SLC6A13: variants seen among roughly 807,000 people sequenced by gnomAD.
SLC6A13 encodes sodium- and chloride-dependent GABA transporter 2.
Under a neutral mutation model 72.9 loss-of-function variants are expected in SLC6A13, and 69 were observed. The ratio of observed to expected loss-of-function variants is 0.95; its 90% CI spans 0.78 to 1.16. The LOEUF is 1.16. Ranked by LOEUF, SLC6A13 falls within the 50% of genes most tolerant of loss-of-function variation. SLC6A13 has a pLI of 0.00. For synonymous variants in SLC6A13, 303 were observed against 303.0 expected (o/e 1.00, Z 0.00); for missense variants, 735 against 760.5 (o/e 0.97, Z 0.39).
At chr12:258,320 C>T (rs1245663788) in intron 2 of SLC6A13, among the ~76,000 whole-genome samples, 1 of 152,192 alleles carries the variant, frequency 6.6e-6, no homozygotes, top group East Asian at 1.9e-4. Context: ...CAGGGCATCT[C>T]TCGTGTTCTC....
chr12:229,638 C>T (rs897335494), intron 7 of SLC6A13, among the ~76,000 whole-genome samples: 25 of 152,218 alleles, frequency 1.6e-4, no homozygotes, highest in African/African-American at 5.1e-4. Context: ...TTCATGAGGT[C>T]GGGCGCCCCC....
chr12:228,536 A>G (rs1271604537), intron 7 of SLC6A13, among the ~76,000 whole-genome samples: 2 of 152,106 alleles, frequency 1.3e-5, no homozygotes, highest in Non-Finnish European at 2.9e-5. Context: ...TCTTTTGCTC[A>G]GCCTCATTCC....
At chr12:221,607 C>T (rs2137244379) in intron 13 of SLC6A13, 61 bp from the exon 14 acceptor site, 1 of 1,139,428 alleles carries the variant, frequency 8.8e-7, no homozygotes, top group Non-Finnish European at 1.3e-6. Flanking sequence ...CCTCAGCTCC[C>T]CCGCTCCCCA....
chr12:236,512 T>C (rs74057636), intron 6 of SLC6A13, among the ~76,000 whole-genome samples: 9,104 of 152,286 alleles, frequency 0.06, 681 homozygotes, highest in East Asian at 0.3. Context: ...CCCTCTTCCC[T>C]TCCTCCCTCC....
At chr12:249,382 G>A (rs1942462645) in intron 2 of SLC6A13, among the ~76,000 whole-genome samples, 1 of 152,038 alleles carries the variant, frequency 6.6e-6, no homozygotes, top group Non-Finnish European at 1.5e-5. Flanking sequence ...GGTTCTTTGA[G>A]ATAATAAAAT....
At chr12:231,804 T>C (rs1346573085) in intron 7 of SLC6A13, among the ~76,000 whole-genome samples, 1 of 152,232 alleles carries the variant, frequency 6.6e-6, no homozygotes, top group African/African-American at 2.4e-5. Context: ...AGCTGTTATA[T>C]ACCAAACATG....
intron 4 of SLC6A13, among the ~76,000 whole-genome samples, chr12:241,962 A>G (rs1565500885): frequency 6.6e-6 from 1 of 152,198 alleles, no homozygotes; most frequent in Non-Finnish European, 1.5e-5. Flanking sequence ...AGATACACAA[A>G]TACTTACCAT....
intron 2 of SLC6A13, among the ~76,000 whole-genome samples, chr12:250,333 A>C (rs1041118426): frequency 6.6e-6 from 1 of 152,180 alleles, no homozygotes; most frequent in African/African-American, 2.4e-5. Context: ...CCGATTTAAA[A>C]GGAAAAAATA....
chr12:259,450 C>T lies in SLC6A13; in HGVS notation c.202+401G>A, dbSNP rs933306739. On this transcript the variant is annotated intron_variant, in intron 2 of 14. Transcript: ENST00000343164. Reference sequence around the variant, plus strand: ...CAGCAGAGCTACTATTTATTAAGTGCTTTACACACATTGTCTCTAATCCTT... The same window carrying T: ...CAGCAGAGCTACTATTTATTAAGTGTTTTACACACATTGTCTCTAATCCTT... 4.2e-6 allele frequency: 5 copies of T among 1,196,386 alleles called. No homozygotes were observed. The South Asian group carries it at 8.1e-5, about 19-fold the overall frequency. 74.1% of individuals were successfully genotyped at this position (1,196,386 alleles called of 1,614,324 possible). A position where few individuals can be genotyped will look rare whatever the true frequency, so the allele number is the denominator to read the frequency against.
At chr12:228,509 C>T (rs1435328682) in intron 7 of SLC6A13, among the ~76,000 whole-genome samples, 1 of 152,108 alleles carries the variant, frequency 6.6e-6, no homozygotes, top group African/African-American at 2.4e-5. Flanking sequence ...GAAAGGGCGC[C>T]GGATGACCCG....
chr12:227,271 T>G (rs1035812506), intron 8 of SLC6A13, among the ~76,000 whole-genome samples: 1 of 152,192 alleles, frequency 6.6e-6, no homozygotes, highest in Non-Finnish European at 1.5e-5. Context: ...TTCTCAGGCT[T>G]GCTTACCCAG....
chr12:241,780 G>A (rs959491861), intron 4 of SLC6A13, among the ~76,000 whole-genome samples: 1 of 152,200 alleles, frequency 6.6e-6, no homozygotes, highest in African/African-American at 2.4e-5. Flanking sequence ...ATTAGACTCA[G>A]TATTTCTATT....
At chr12:229,749 A>G (rs1941627278) in intron 7 of SLC6A13, among the ~76,000 whole-genome samples, 1 of 152,214 alleles carries the variant, frequency 6.6e-6, no homozygotes, top group Non-Finnish European at 1.5e-5. Context: ...AGACTGGGCC[A>G]TGAATTACCA....
rs1942663545 is a variant in SLC6A13 at position 254,336 on chromosome 12, C to T, written c.202+5515G>A. Among the ~76,000 whole-genome samples, 1 of 152,204 alleles carries T rather than the reference C, an allele frequency of 6.6e-6. No individual in the cohort carries two copies. The highest frequency in any genetic ancestry group is 6.5e-5 in the Admixed American group (1 of 15,290). On this transcript the variant is annotated intron_variant, in intron 2 of 14. Coordinates refer to ENST00000343164, the MANE Select transcript of SLC6A13 (RefSeq NM_016615.5). The surrounding 1 kb of genome is among the most constrained non-coding windows in gnomAD (Gnocchi z 4.4). ...TTTTACCTACTCCCACATTTTGCCCCAATAACCCACATTTACTATTTCCAA... is the reference window on the plus strand; with the variant it reads ...TTTTACCTACTCCCACATTTTGCCCTAATAACCCACATTTACTATTTCCAA...
Position 259,959 on chromosome 12 carries a change from G to T in SLC6A13, c.94C>A (p.Arg32=). 6.2e-7 allele frequency: 1 copy of T among 1,614,162 alleles called. No homozygotes were observed. Among genetic ancestry groups the T allele is most frequent in the South Asian group, 1.1e-5 (1 of 91,082 alleles). ...TCCATCTTGTTGTTCCAGTGCCCCC[G>T]CTCCAGGGTGCCATCTTCCTCCTTC... ...EKKEEDGTLE[R]GHWNNKMEFV... The change falls in exon 2 of 15, where the codon CGG becomes AGG. Residue 32 remains arginine, a synonymous_variant. Transcript: ENST00000343164.
chr12:253,631 T>C (rs939513636), intron 2 of SLC6A13: 2 of 152,274 alleles, frequency 1.3e-5, no homozygotes, highest in East Asian at 1.9e-4. Flanking sequence ...TGGCCTCACA[T>C]GGGGACTCCA....
In SLC6A13 at chr12:254,964, T is replaced by C. The variant is rs1210460153; in HGVS notation, c.202+4887A>G. The stretch of plus-strand genomic sequence containing the variant: ...GAGTTTGAGACCAGCCTGGCCAACA[T>C]GGCGAAACCCCCTCTCTATTAAAAA... On this transcript the variant is annotated intron_variant, in intron 2 of 14. Coordinates refer to ENST00000343164, the MANE Select transcript of SLC6A13 (RefSeq NM_016615.5). The surrounding 1 kb of genome is among the most constrained non-coding windows in gnomAD (Gnocchi z 4.4). Among the ~76,000 whole-genome samples, 2 of 151,820 alleles carry C rather than the reference T, an allele frequency of 1.3e-5. No individual in the cohort carries two copies. The highest frequency in any genetic ancestry group is 2.9e-5 in the Non-Finnish European group (2 of 67,990).
rs765859740 is a variant in SLC6A13 at position 242,713 on chromosome 12, C to T, written c.379G>A (p.Val127Ile). Residue 127 changes from valine to isoleucine, a missense_variant, in exon 4 of 15, where the codon GTC becomes ATC. Val to Ile is a conservative substitution (Grantham distance 29). Coordinates refer to ENST00000343164, the MANE Select transcript of SLC6A13 (RefSeq NM_016615.5). ...CAGGCCAACACAATGATGTAGTAGA[C>T]GTTGAGGAGGATGACGATCATCTGG... is the stretch of plus-strand genomic sequence containing the variant. ...ASQMIVILLN[V>I]YYIIVLAWAL... 3 of 1,604,684 alleles carry T rather than the reference C, an allele frequency of 1.9e-6. No individual in the cohort carries two copies. Among genetic ancestry groups the T allele is most frequent in the Non-Finnish European group, 1.7e-6 (2 of 1,175,374 alleles).
Position 235,142 on chromosome 12 carries a change from T to C in SLC6A13, c.779A>G (p.Gln260Arg), listed in dbSNP as rs759173902. The stretch of plus-strand genomic sequence containing the variant: ...TGGGTACAGGTAAAACTGAATTCCT[T>C]GGGCTGCCCCAGGCAACGTCACCCC... ...IRGVTLPGAA[Q>R]GIQFYLYPNL... The change falls in exon 7 of 15, where the codon CAA (glutamine) becomes CGA (arginine). Residue 260 changes from glutamine to arginine, a missense_variant. By Grantham distance (43) the Gln-to-Arg change is conservative. Coordinates refer to ENST00000343164, the MANE Select transcript of SLC6A13 (RefSeq NM_016615.5). The C allele has an allele frequency of 6.2e-7, 1 of 1,614,180 alleles. No homozygotes were observed. The highest frequency in any genetic ancestry group is 2.2e-5 in the East Asian group (1 of 44,882).
Sources: gnomAD v4.1 joint callset for allele counts (sites outside exome capture counted in the v4.1 genomes callset) on GRCh38, gnomAD v4.1.1 for gene constraint, Gnocchi (gnomAD v3.1) non-coding constraint, MANE v1.5 for transcripts, NCBI Gene and HGNC (gene_info 2026-07-23, HGNC 2026-07-21) for gene names.